The following AGBL4 variants were observed in gnomAD, a reference collection of about 807,000 sequenced individuals.
AGBL4 encodes AGBL carboxypeptidase 4.
In AGBL4, 58 loss-of-function variants were observed where a neutral mutation model predicts 66.4. The ratio of observed to expected loss-of-function variants is 0.87; its 90% CI spans 0.71 to 1.09. AGBL4 has a LOEUF of 1.09. Among genes scored for constraint, AGBL4 ranks in the 50% least tolerant of loss-of-function variants. The pLI is 0.00. For missense variants in AGBL4, 579 were observed against 631.0 expected, an observed-to-expected ratio of 0.92 and a Z score of 0.88; for synonymous variants, 234 against 222.9, an observed-to-expected ratio of 1.05 and a Z score of -0.44.
At chr1:49,184,547 T>C (rs891025278) in intron 4 of AGBL4, among the ~76,000 whole-genome samples, 5 of 152,124 alleles carry the variant, frequency 3.3e-5, no homozygotes, top group Non-Finnish European at 5.9e-5. Context: ...ACAGACATGA[T>C]TGCAAATGTC....
intron 5 of AGBL4, among the ~76,000 whole-genome samples, chr1:48,873,869 T>A (rs1648942237): frequency 6.6e-6 from 1 of 152,032 alleles, no homozygotes; most frequent in Non-Finnish European, 1.5e-5. Context: ...AAAATTCACT[T>A]TTCGTTTTGG....
At position 50,008,047 on chromosome 1, in the gene AGBL4, GAGAT is replaced by G. The variant is rs573667667; in HGVS notation, c.34+15712_34+15715del. Among the ~76,000 whole-genome samples, 517 of 152,260 alleles carry G rather than the reference GAGAT, an allele frequency of 3.4e-3. 2 individuals are homozygous for G. Among genetic ancestry groups the G allele is most frequent in the African/African-American group, 0.012 (487 of 41,546 alleles). On this transcript the variant is annotated intron_variant, in intron 1 of 13. Transcript: ENST00000371839. ...TAAAGAAAATATTATTAGAGTTGAA[GAGAT>G]AGATAGACCCCAATACAATAATAGC...
chr1:48,855,255 A>T (rs1208593824), intron 6 of AGBL4, among the ~76,000 whole-genome samples: 2 of 152,158 alleles, frequency 1.3e-5, no homozygotes, highest in Non-Finnish European at 2.9e-5. Context: ...GGATGTTCCA[A>T]AATGGGACAC....
At chr1:49,732,811 C>T (rs1362589252) in intron 2 of AGBL4, among the ~76,000 whole-genome samples, 2 of 151,970 alleles carry the variant, frequency 1.3e-5, no homozygotes, top group East Asian at 1.9e-4. Flanking sequence ...ATAGTATTTA[C>T]CCCAAAGAGA....
At position 49,650,009 on chromosome 1, in the gene AGBL4, C is replaced by T. The variant is rs115701572; in HGVS notation, c.282+47304G>A. On this transcript the variant is annotated intron_variant, in intron 3 of 13. Transcript: ENST00000371839. Reference sequence around the variant, plus strand: ...AAAGCAGGAGTTGGAAGGAAAATTACAGTATTGAAGGCATATATTGCTAAA... The same window carrying T: ...AAAGCAGGAGTTGGAAGGAAAATTATAGTATTGAAGGCATATATTGCTAAA... Among the ~76,000 whole-genome samples the T allele has an allele frequency of 6.1e-3, 935 of 152,232 alleles. 10 individuals carry two copies. The highest frequency in any genetic ancestry group is 0.02 in the African/African-American group (821 of 41,556).
At chr1:49,572,118 A>G (rs945573035) in intron 3 of AGBL4, among the ~76,000 whole-genome samples, 1 of 152,094 alleles carries the variant, frequency 6.6e-6, no homozygotes, top group Non-Finnish European at 1.5e-5. Flanking sequence ...CTCCCACTCA[A>G]TATTTTGGAA....
chr1:49,253,954 A>G (rs1157731757), intron 3 of AGBL4, among the ~76,000 whole-genome samples: 2 of 152,242 alleles, frequency 1.3e-5, no homozygotes, highest in Admixed American at 6.5e-5. Context: ...GGCTTTTGAT[A>G]AAATTAAACA....
At chr1:49,442,655 T>C (rs910524622) in intron 3 of AGBL4, among the ~76,000 whole-genome samples, 2 of 152,240 alleles carry the variant, frequency 1.3e-5, no homozygotes, top group Non-Finnish European at 2.9e-5. Flanking sequence ...AATTCATGCA[T>C]TAATAGACGC....
intron 3 of AGBL4, among the ~76,000 whole-genome samples, chr1:49,257,720 GT>G (rs1652669333): frequency 6.6e-6 from 1 of 152,202 alleles, no homozygotes; most frequent in South Asian, 2.1e-4. Context: ...GATGAACCCG[GT>G]ACCTCAGATG....
intron 1 of AGBL4, among the ~76,000 whole-genome samples, chr1:49,963,593 G>A (rs571192342): frequency 1.3e-5 from 2 of 152,044 alleles, no homozygotes; most frequent in Non-Finnish European, 2.9e-5. Context: ...CAGGGCAAAG[G>A]CTTCTTTTCA....
At chr1:49,333,437 C>A (rs1645374886) in intron 3 of AGBL4, among the ~76,000 whole-genome samples, 1 of 152,162 alleles carries the variant, frequency 6.6e-6, no homozygotes, top group Non-Finnish European at 1.5e-5. Context: ...GAGATCGTGC[C>A]ACTGCACTCC....
At chr1:50,002,292 C>G (rs1459094652) in intron 1 of AGBL4, among the ~76,000 whole-genome samples, 1 of 151,642 alleles carries the variant, frequency 6.6e-6, no homozygotes, top group Non-Finnish European at 1.5e-5. Context: ...ATACAATACC[C>G]CAGTGTTAGC....
chr1:49,868,503 G>C (rs1646761540), intron 1 of AGBL4, among the ~76,000 whole-genome samples: 1 of 152,172 alleles, frequency 6.6e-6, no homozygotes, highest in Non-Finnish European at 1.5e-5. Context: ...AACAAGCAAT[G>C]AGAAAAGGAT....
intron 3 of AGBL4, among the ~76,000 whole-genome samples, chr1:49,666,474 G>A (rs939757443): frequency 6.6e-6 from 1 of 152,034 alleles, no homozygotes; most frequent in Non-Finnish European, 1.5e-5. Context: ...GCTGAGGCAG[G>A]AGAATGGCTT....
At chr1:49,686,367 A>C (rs1191776485) in intron 3 of AGBL4, among the ~76,000 whole-genome samples, 1 of 152,194 alleles carries the variant, frequency 6.6e-6, no homozygotes, top group African/African-American at 2.4e-5. Flanking sequence ...CAAGCCAGAG[A>C]ACAATGCCAT....
chr1:49,270,625 AT>A (rs1644036263), intron 3 of AGBL4, among the ~76,000 whole-genome samples: 1 of 151,904 alleles, frequency 6.6e-6, no homozygotes, highest in Non-Finnish European at 1.5e-5. Flanking sequence ...TGGGAGTAAA[AT>A]TTTTTGTGGG....
At chr1:50,008,563 T>C (rs1391067516) in intron 1 of AGBL4, among the ~76,000 whole-genome samples, 2 of 150,990 alleles carry the variant, frequency 1.3e-5, no homozygotes, top group Non-Finnish European at 3.0e-5. Flanking sequence ...ATCAAAAAAG[T>C]AGAAAAAGTT....
chr1:48,801,572 T>G (rs1645808818), intron 6 of AGBL4, among the ~76,000 whole-genome samples: 2 of 152,222 alleles, frequency 1.3e-5, no homozygotes, highest in Non-Finnish European at 1.5e-5. Flanking sequence ...CTTGCTCAGC[T>G]GCCTAAATCC....
At chr1:49,779,633 G>GT (rs927355704) in intron 2 of AGBL4, among the ~76,000 whole-genome samples, 2 of 152,160 alleles carry the variant, frequency 1.3e-5, no homozygotes, top group African/African-American at 4.8e-5. Context: ...ATACACACGA[G>GT]TATGGCTGGC....
Sources: gnomAD v4.1 joint callset for allele counts (sites outside exome capture counted in the v4.1 genomes callset) on GRCh38, gnomAD v4.1.1 for gene constraint, MANE v1.5 for transcripts, NCBI Gene and HGNC (gene_info 2026-07-23, HGNC 2026-07-21) for gene names.